The following PTPRK variants were observed in gnomAD, a reference collection of about 807,000 sequenced individuals.
PTPRK encodes receptor-type tyrosine-protein phosphatase kappa.
In PTPRK, 75 loss-of-function variants were observed where a neutral mutation model predicts 178.0. That is an observed-to-expected ratio of 0.42 (90% CI 0.35 to 0.51). The LOEUF is 0.51. Among genes scored for constraint, PTPRK ranks in the 20% least tolerant of loss-of-function variants. The pLI, the probability that PTPRK is intolerant of heterozygous loss-of-function variation, is 0.02. For missense variants in PTPRK, 1,441 were observed against 1,797.8 expected (o/e 0.80, Z 3.59); for synonymous variants, 637 against 620.6 (o/e 1.03, Z -0.39).
At chr6:128,338,110 T>C (rs1831186541) in intron 2 of PTPRK, among the ~76,000 whole-genome samples, 1 of 152,164 alleles carries the variant, frequency 6.6e-6, no homozygotes, top group Non-Finnish European at 1.5e-5. Context: ...AGATGAAGGT[T>C]GCTATCATAA....
At chr6:128,387,764 A>G (rs1020979454) in intron 2 of PTPRK, among the ~76,000 whole-genome samples, 1 of 152,148 alleles carries the variant, frequency 6.6e-6, no homozygotes, top group Non-Finnish European at 1.5e-5. Context: ...TTAGAAAGAT[A>G]AGGTAAGCTT....
chr6:128,377,710 C>T (rs1290764983), intron 2 of PTPRK, among the ~76,000 whole-genome samples: 1 of 121,804 alleles, frequency 8.2e-6, no homozygotes, highest in Non-Finnish European at 1.8e-5. Flanking sequence ...AAGCAACCAA[C>T]AAAAAAAAAA....
At chr6:128,004,688 G>A (rs889357419) in intron 15 of PTPRK, among the ~76,000 whole-genome samples, 3 of 151,780 alleles carry the variant, frequency 2.0e-5, no homozygotes, top group Admixed American at 2.0e-4. Flanking sequence ...AAGAATTACT[G>A]TTTCCTCTTA....
Position 128,418,494 on chromosome 6 carries a change from A to G in PTPRK, c.101-20806T>C, listed in dbSNP as rs531493920. ...AAGTGTGAACCCTATTATGAAGTGC[A>G]CATGTGAGGGATCTAGGTTGCAAGC... On this transcript the variant is annotated intron_variant, in intron 1 of 29. Coordinates refer to ENST00000368226, the MANE Select transcript of PTPRK (RefSeq NM_002844.4). Among the ~76,000 whole-genome samples the G allele has an allele frequency of 3.3e-5, 5 of 152,324 alleles. No homozygotes were observed. In the East Asian group the frequency reaches 5.8e-4, roughly 18 times the overall value.
intron 2 of PTPRK, among the ~76,000 whole-genome samples, chr6:128,360,534 A>G (rs572255671): frequency 6.6e-6 from 1 of 152,192 alleles, no homozygotes; most frequent in African/African-American, 2.4e-5. Context: ...TGAGAAACAT[A>G]TAAAGAGTAT....
At chr6:128,104,000 C>T (rs777971437) in intron 7 of PTPRK, among the ~76,000 whole-genome samples, 8 of 152,166 alleles carry the variant, frequency 5.3e-5, no homozygotes, top group Non-Finnish European at 4.4e-5. Flanking sequence ...ATGCCAGCTA[C>T]GCTTCTTGTC....
Position 128,392,316 on chromosome 6 carries a change from C to T in PTPRK, c.223+5250G>A, listed in dbSNP as rs556369135. Among the ~76,000 whole-genome samples, 49 of 152,242 alleles carry T rather than the reference C, an allele frequency of 3.2e-4. No homozygotes were observed. The South Asian group carries it at 6.8e-3, about 21-fold the overall frequency. ...TGCATTTTAAATAAAGAACTCTGTA[C>T]AGTTATTTTCATTATTATCAGTGAA... On this transcript the variant is annotated intron_variant, in intron 2 of 29. Coordinates refer to ENST00000368226, the MANE Select transcript of PTPRK (RefSeq NM_002844.4).
intron 3 of PTPRK, among the ~76,000 whole-genome samples, chr6:128,296,371 G>T (rs1035406198): frequency 1.3e-5 from 2 of 152,112 alleles, no homozygotes; most frequent in Non-Finnish European, 2.9e-5. Context: ...GAAACACAGA[G>T]AATGCCACAA....
At chr6:128,447,512 G>A (rs1237555441) in intron 1 of PTPRK, among the ~76,000 whole-genome samples, 2 of 152,024 alleles carry the variant, frequency 1.3e-5, no homozygotes, top group Admixed American at 6.6e-5. Flanking sequence ...AATAATTAGT[G>A]GTCAGACCCA....
chr6:128,078,840 G>T lies in PTPRK; in HGVS notation c.1856C>A (p.Pro619Gln). Residue 619 changes from proline to glutamine, a missense_variant, in exon 11 of 30, where the codon CCA (proline) becomes CAA (glutamine). This residue lies in a region of PTPRK where 945 missense variants were observed against 1,080.6 expected (regional missense o/e 0.87). Coordinates refer to ENST00000368226, the MANE Select transcript of PTPRK (RefSeq NM_002844.4). ...GATAGGAGCACCTTTGGCTTGTGCT[G>T]GTCTCAACAATACAGTTATTGTGGT... ...TATTITVLLR[P>Q]AQAKGAPISA... 1.2e-6 allele frequency: 2 copies of T among 1,611,606 alleles called. No individual in the cohort carries two copies. The highest frequency in any genetic ancestry group is 1.7e-6 in the Non-Finnish European group (2 of 1,178,230).
chr6:128,193,472 TTGTGTG>T (rs10681233), intron 6 of PTPRK, among the ~76,000 whole-genome samples: 7 of 148,858 alleles, frequency 4.7e-5, no homozygotes, highest in African/African-American at 7.4e-5. Context: ...GTACTAATAC[TTGTGTG>T]TGTGTGTGTG....
chr6:128,468,372 A>C (rs1850168883), intron 1 of PTPRK, among the ~76,000 whole-genome samples: 1 of 152,190 alleles, frequency 6.6e-6, no homozygotes, highest in African/African-American at 2.4e-5. Flanking sequence ...CTGAATTTCA[A>C]GTTTTTAGTT....
At chr6:128,175,490 T>C (rs1223529363) in intron 7 of PTPRK, among the ~76,000 whole-genome samples, 1 of 151,782 alleles carries the variant, frequency 6.6e-6, no homozygotes, top group Non-Finnish European at 1.5e-5. Context: ...CATTCAGATA[T>C]ATATATATAT....
chr6:128,278,151 ATTTAT>A (rs1267443785), intron 3 of PTPRK, among the ~76,000 whole-genome samples: 2 of 150,074 alleles, frequency 1.3e-5, no homozygotes, highest in Non-Finnish European at 3.0e-5. Context: ...TTATTTATTT[ATTTAT>A]TTATTTATTT....
chr6:128,449,912 G>A (rs1407770830), intron 1 of PTPRK, among the ~76,000 whole-genome samples: 28 of 148,304 alleles, frequency 1.9e-4, no homozygotes, highest in African/African-American at 6.7e-4. Flanking sequence ...CCTGGCCAAC[G>A]TGGTGAAGCC....
chr6:128,309,255 C>T (rs747021191), intron 3 of PTPRK, among the ~76,000 whole-genome samples: 1 of 152,150 alleles, frequency 6.6e-6, no homozygotes, highest in Non-Finnish European at 1.5e-5. Flanking sequence ...ACTCTCAATT[C>T]TCTTAACCCC....
At chr6:128,116,651 G>A (rs1435356073) in intron 7 of PTPRK, among the ~76,000 whole-genome samples, 1 of 152,228 alleles carries the variant, frequency 6.6e-6, no homozygotes, top group Non-Finnish European at 1.5e-5. Flanking sequence ...CAGTGGATTA[G>A]AGGAGAGTTG....
Position 127,973,698 on chromosome 6 carries a change from CG to C in PTPRK, c.4098del (p.Cys1366TrpfsTer13). On this transcript the variant is annotated frameshift_variant, in exon 28 of 30. Transcript: ENST00000368226. LOFTEE classifies it high-confidence loss of function. Reference sequence around the variant, plus strand: ...ATAATCGTCCGGCCTTCCCCTTCCTCGCATTCCTCCTGCCACTTTTCCACCT... The same window carrying C: ...ATAATCGTCCGGCCTTCCCCTTCCTCCATTCCTCCTGCCACTTTTCCACCT... Reference protein sequence around the residue: ...ILQVEKWQEECEEGEGRTIIH... With the variant: ...ILQVEKWQEEXEEGEGRTIIH... The C allele has an allele frequency of 6.2e-7, 1 of 1,613,986 alleles. No individual in the cohort carries two copies. The highest frequency in any genetic ancestry group is 8.5e-7 in the Non-Finnish European group (1 of 1,179,946).
Position 128,436,633 on chromosome 6 carries a change from C to T in PTPRK, c.101-38945G>A, listed in dbSNP as rs1168067331. ...TTATAAAATGATATGCTGAGAACTT[C>T]ACATGCATTTTTTATTTTAGCCTCC... On this transcript the variant is annotated intron_variant, in intron 1 of 29. Transcript: ENST00000368226. Among the ~76,000 whole-genome samples the T allele has an allele frequency of 3.3e-5, 5 of 151,928 alleles. 1 individual carries two copies. Among genetic ancestry groups the T allele is most frequent in the Admixed American group, 2.6e-4 (4 of 15,246 alleles).
Sources: gnomAD v4.1 joint callset for allele counts (sites outside exome capture counted in the v4.1 genomes callset) on GRCh38, gnomAD v4.1.1 for gene constraint, gnomAD v4.1.1 regional missense constraint, MANE v1.5 for transcripts, NCBI Gene and HGNC (gene_info 2026-07-23, HGNC 2026-07-21) for gene names.